Variants in IKBKE observed in about 807,000 individuals in gnomAD.
IKBKE encodes the protein inhibitor of nuclear factor kappa B kinase subunit epsilon, also known as inhibitor of nuclear factor kappa-B kinase subunit epsilon.
IKBKE carries 45 observed loss-of-function variants against 92.1 expected under a neutral mutation model. The ratio of observed to expected loss-of-function variants is 0.49; its 90% confidence interval spans 0.38 to 0.63. The LOEUF is 0.63. Among genes scored for constraint, IKBKE ranks in the 20% least tolerant of loss-of-function variants. The pLI is 0.00. For missense variants in IKBKE, 700 were observed against 932.8 expected, an observed-to-expected ratio of 0.75 and a Z score of 3.25; for synonymous variants, 374 against 380.3, an observed-to-expected ratio of 0.98 and a Z score of 0.19.
chr1:206,483,939 T>C (rs1221024933), intron 13 of IKBKE, among the ~76,000 whole-genome samples: 1 of 152,142 alleles, frequency 6.6e-6, no homozygotes, highest in African/African-American at 2.4e-5. Flanking sequence ...AAAATTTTTT[T>C]TTAGTATTTT....
At position 206,488,678 on chromosome 1, in the gene IKBKE, T is replaced by C. The variant is rs550920894; in HGVS notation, c.1693+688T>C. Among the ~76,000 whole-genome samples, 7 of 152,186 alleles carry C rather than the reference T, an allele frequency of 4.6e-5. No homozygotes were observed. In the South Asian group the frequency reaches 1.5e-3, roughly 32 times the overall value. ...ACACACCAGGAACCAAACCTCCCCC[T>C]CCTCTCCCAGGCCCCAAGCATTTCC... On this transcript the variant is annotated intron_variant, in intron 16 of 21. Coordinates refer to ENST00000581977, the MANE Select transcript of IKBKE (RefSeq NM_014002.4).
At position 206,485,411 on chromosome 1, in the gene IKBKE, T is replaced by A. The variant is rs1665604258; in HGVS notation, c.1616+105T>A. The A allele has an allele frequency of 2.8e-6, 2 of 710,098 alleles. No individual in the cohort carries two copies. Among genetic ancestry groups the A allele is most frequent in the South Asian group, 1.6e-5 (1 of 62,026 alleles). 44.0% of individuals were successfully genotyped at this position (710,098 alleles called of 1,614,324 possible). ...AGACGTCAGCTTGCATTCCCCTTTCTCTTGGCAAGGGTGCTAGGGCATGGG... is the reference window on the plus strand; with the variant it reads ...AGACGTCAGCTTGCATTCCCCTTTCACTTGGCAAGGGTGCTAGGGCATGGG... On this transcript the variant is annotated intron_variant, in intron 15 of 21. Coordinates refer to ENST00000581977, the MANE Select transcript of IKBKE (RefSeq NM_014002.4). The surrounding 1 kb of genome is among the most constrained non-coding windows in gnomAD (Gnocchi z 5.0).
chr1:206,480,297 C>T (rs1168692661), intron 12 of IKBKE, 150 bp from the exon 13 acceptor site: 21 of 119,436 alleles, frequency 1.8e-4, no homozygotes, highest in African/African-American at 2.9e-4. Context: ...GAGGGGGAGG[C>T]GGGCTGTAGG....
chr1:206,495,781 T>A (rs1451651122), intron 21 of IKBKE, among the ~76,000 whole-genome samples: 1 of 152,228 alleles, frequency 6.6e-6, no homozygotes, highest in Non-Finnish European at 1.5e-5. Flanking sequence ...AAGAGCCAAA[T>A]GAATCCATTT....
rs1253938089 is a variant in IKBKE at position 206,487,063 on chromosome 1, C to T, written c.1617-851C>T. ...CCTGTCCCAGCCACTTCATCTTCCA[C>T]CCTCATGTTCCTGGCGGGGCAGGCT... On this transcript the variant is annotated intron_variant, in intron 15 of 21. Transcript: ENST00000581977. The surrounding 1 kb of genome is among the most constrained non-coding windows in gnomAD (Gnocchi z 5.3). Among the ~76,000 whole-genome samples, 3 of 152,254 alleles carry T rather than the reference C, an allele frequency of 2.0e-5. No individual in the cohort carries two copies. Among genetic ancestry groups the T allele is most frequent in the Admixed American group, 6.5e-5 (1 of 15,290 alleles).
At chr1:206,489,377 A>C (rs199906818) in intron 16 of IKBKE, among the ~76,000 whole-genome samples, 24 of 123,120 alleles carry the variant, frequency 1.9e-4, no homozygotes, top group East Asian at 9.3e-4. Context: ...GTGTATATAT[A>C]TATATATATA....
rs782265859 is a variant in IKBKE, at chr1:206,474,946, G to A, written c.310G>A (p.Ala104Thr). 5.0e-6 allele frequency: 8 copies of A among 1,613,984 alleles called. No homozygotes were observed. In the Admixed American group the frequency reaches 1.0e-4, roughly 20 times the overall value. Residue 104 changes from alanine (A) to threonine (T), a missense_variant, in exon 5 of 22, where the codon GCC (alanine) becomes ACC (threonine). Ala to Thr is a moderately conservative substitution (Grantham distance 58). Transcript: ENST00000581977. The part of the protein sequence containing the change: ...LLSVLESPEN[A>T]FGLPEDEFLV... Reference sequence around the variant, plus strand: ...GAGTGTGCTGGAGAGCCCTGAGAATGCCTTTGGGCTGCCTGAGGATGAGTT... The same window carrying A: ...GAGTGTGCTGGAGAGCCCTGAGAATACCTTTGGGCTGCCTGAGGATGAGTT...
intron 21 of IKBKE, 108 bp downstream of exon 21, chr1:206,494,099 T>C (rs1366793677): frequency 2.3e-6 from 2 of 887,144 alleles, no homozygotes; most frequent in Admixed American, 4.5e-5. Context: ...ATGACACGTG[T>C]CCATTTTCGA....
At chr1:206,486,747 A>G (rs1246853684) in intron 15 of IKBKE, among the ~76,000 whole-genome samples, 1 of 150,966 alleles carries the variant, frequency 6.6e-6, no homozygotes, top group African/African-American at 2.4e-5. Context: ...CTTTTGGATG[A>G]AGGCTGCGGA....
At chr1:206,491,793 G>A (rs371447830) in intron 18 of IKBKE, 44 bp downstream of exon 18, 22 of 1,421,826 alleles carry the variant, frequency 1.5e-5, no homozygotes, top group Non-Finnish European at 2.0e-5. Flanking sequence ...GCCTGGCCTG[G>A]CCCTTCTAGG....
rs926730469 is a variant in IKBKE, at chr1:206,496,736, C to G, written c.*591C>G. 1 of 233,278 alleles carries G rather than the reference C, an allele frequency of 4.3e-6. No individual in the cohort carries two copies. Among genetic ancestry groups the G allele is most frequent in the Non-Finnish European group, 8.5e-6 (1 of 118,084 alleles). 14.5% of individuals were successfully genotyped at this position (233,278 alleles called of 1,614,324 possible). A position where few individuals can be genotyped will look rare whatever the true frequency, so the allele number is the denominator to read the frequency against. ...GCCTAAAGTTGAGAAAATGGGTGGCCAAGGCCAGTGCCAGTGTCTTGGGGC... is the reference window on the plus strand; with the variant it reads ...GCCTAAAGTTGAGAAAATGGGTGGCGAAGGCCAGTGCCAGTGTCTTGGGGC... On this transcript the variant is annotated 3_prime_UTR_variant, in exon 22 of 22. Coordinates refer to ENST00000581977, the MANE Select transcript of IKBKE (RefSeq NM_014002.4).
At chr1:206,475,465 T>C (rs1280908502) in intron 5 of IKBKE, among the ~76,000 whole-genome samples, 3 of 152,214 alleles carry the variant, frequency 2.0e-5, no homozygotes, top group African/African-American at 7.2e-5. Context: ...CCGGGTGCAG[T>C]GGCTCATGCC....
Position 206,478,039 on chromosome 1 carries a change from C to A in IKBKE, c.813-121C>A. 1.2e-6 allele frequency: 1 copy of A among 833,510 alleles called. No individual in the cohort carries two copies. 51.6% of individuals were successfully genotyped at this position (833,510 alleles called of 1,614,324 possible). On this transcript the variant is annotated intron_variant, in intron 8 of 21. Coordinates refer to ENST00000581977, the MANE Select transcript of IKBKE (RefSeq NM_014002.4). This position sits in a 1 kb window ranked among gnomAD's most constrained non-coding sequence, Gnocchi z 4.8. The stretch of plus-strand genomic sequence containing the variant: ...TTCCAGCTCTTCCTCCCCAACCCAC[C>A]CTGCCCCACCATCTTGGTCCTAGCT...
At chr1:206,473,407 G>T in intron 3 of IKBKE, 93 bp downstream of exon 3, 1 of 890,064 alleles carries the variant, frequency 1.1e-6, no homozygotes. Context: ...TGGGCATTGA[G>T]GGTGGTGGGA....
rs782083272 is a variant in IKBKE at position 206,480,024 on chromosome 1, C to T, written c.1251C>T (p.Gly417=). 53 of 1,608,974 alleles carry T rather than the reference C, an allele frequency of 3.3e-5. No individual in the cohort carries two copies. The highest frequency in any genetic ancestry group is 4.1e-5 in the Non-Finnish European group (48 of 1,178,124). The change falls in exon 12 of 22, where the codon GGC becomes GGT. Residue 417 remains glycine, a splice_region_variant and synonymous_variant. Coordinates refer to ENST00000581977, the MANE Select transcript of IKBKE (RefSeq NM_014002.4). ...DLQADYNTAK[G]VLGAGYQALR... ...CCCTGTGCATCTCTGTGTTTCAGGG[C>T]GTGTTGGGCGCCGGCTACCAGGCCC...
At chr1:206,488,552 G>A (rs1325779650) in intron 16 of IKBKE, among the ~76,000 whole-genome samples, 2 of 152,140 alleles carry the variant, frequency 1.3e-5, no homozygotes, top group African/African-American at 4.8e-5. Context: ...CAAAGTGACT[G>A]CCATTGTGGG....
At chr1:206,491,188 C>G (rs1328817184) in intron 17 of IKBKE, 1 of 437,812 alleles carries the variant, frequency 2.3e-6, no homozygotes, top group African/African-American at 2.0e-5. Context: ...TCCCTGCCTC[C>G]CCCCGCTCCT....
At chr1:206,493,581 A>G (rs916110993) in intron 20 of IKBKE, among the ~76,000 whole-genome samples, 1 of 152,178 alleles carries the variant, frequency 6.6e-6, no homozygotes, top group African/African-American at 2.4e-5. Flanking sequence ...TTGAGGCCAG[A>G]AGTTGGAGAC....
chr1:206,478,254 A>G lies in IKBKE; in HGVS notation c.907A>G (p.Ser303Gly). ...WGFDQFFAET[S>G]DILQRVVVHV... is the part of the protein sequence containing the mutation. ...CTTCGACCAGTTCTTTGCGGAGACC[A>G]GTGACATCCTGCAGCGAGTTGTCGT... The change falls in exon 9 of 22, where the codon AGT (serine) becomes GGT (glycine). Residue 303 changes from serine to glycine, a missense_variant. Coordinates refer to ENST00000581977, the MANE Select transcript of IKBKE (RefSeq NM_014002.4). This position sits in a 1 kb window ranked among gnomAD's most constrained non-coding sequence, Gnocchi z 4.8. The G allele has an allele frequency of 1.2e-6, 2 of 1,614,194 alleles. No individual in the cohort carries two copies. The highest frequency in any genetic ancestry group is 1.7e-6 in the Non-Finnish European group (2 of 1,180,028).
Sources: allele counts gnomAD v4.1 joint callset (sites outside exome capture counted in the v4.1 genomes callset), GRCh38; gene constraint gnomAD v4.1.1; non-coding constraint Gnocchi (gnomAD v3.1); transcripts MANE v1.5; gene names NCBI Gene and HGNC (gene_info 2026-07-23, HGNC 2026-07-21).